Variants in SLC12A1 observed in about 807,000 individuals in gnomAD.
The protein encoded by SLC12A1 is solute carrier family 12 member 1.
SLC12A1 carries 89 observed loss-of-function variants against 130.4 expected under a neutral mutation model. That is an observed-to-expected ratio of 0.68 (90% confidence interval 0.58 to 0.81). The LOEUF (loss-of-function observed/expected upper bound fraction) is 0.81, where lower values mean the gene tolerates loss of function less well. Ranked by LOEUF, SLC12A1 falls within the 40% of genes least tolerant of loss-of-function variation. SLC12A1 has a pLI of 0.00. For synonymous variants in SLC12A1, 499 were observed against 460.0 expected, an observed-to-expected ratio of 1.08 and a Z score of -1.09; for missense variants, 1,310 against 1,336.4, an observed-to-expected ratio of 0.98 and a Z score of 0.31.
chr15:48,256,604 G>C (rs2041709812), intron 16 of SLC12A1, among the ~76,000 whole-genome samples: 1 of 152,194 alleles, frequency 6.6e-6, no homozygotes, highest in African/African-American at 2.4e-5. Flanking sequence ...TTACATGGCG[G>C]CAGGCAAGGG....
At chr15:48,241,465 GGT>G (rs1464768637) in intron 9 of SLC12A1, 48 bp from the exon 10 acceptor site, 1 of 1,357,122 alleles carries the variant, frequency 7.4e-7, no homozygotes, top group Non-Finnish European at 1.1e-6. Context: ...AGTGATCTAT[GGT>G]TCTTATTCTG....
intron 23 of SLC12A1, 55 bp from the exon 24 acceptor site, chr15:48,291,723 T>A: frequency 9.2e-7 from 1 of 1,091,394 alleles, no homozygotes. Flanking sequence ...AAAAACTCTT[T>A]GATTGAAAAT....
chr15:48,302,424 T>C (rs930409801), intron 26 of SLC12A1, among the ~76,000 whole-genome samples: 1 of 151,172 alleles, frequency 6.6e-6, no homozygotes, highest in African/African-American at 2.4e-5. Context: ...ATCGAGACCA[T>C]CCTGGCTAAC....
intron 20 of SLC12A1, among the ~76,000 whole-genome samples, chr15:48,276,533 T>C (rs564992744): frequency 2.6e-5 from 4 of 152,242 alleles, no homozygotes; most frequent in African/African-American, 7.2e-5. Flanking sequence ...TGTGAAGACA[T>C]GGTGAGAAGG....
intron 4 of SLC12A1, chr15:48,226,223 A>G (rs2141026515): frequency 2.4e-6 from 1 of 421,044 alleles, no homozygotes; most frequent in Non-Finnish European, 4.1e-6. Context: ...ACACCAGCAT[A>G]AGTCAACTTT....
chr15:48,227,289 A>G, intron 5 of SLC12A1: 1 of 803,302 alleles, frequency 1.2e-6, no homozygotes, highest in South Asian at 1.7e-5. Context: ...TGTCCTAAAC[A>G]AAATAACCCA....
Position 48,269,771 on chromosome 15 carries a change from G to A in SLC12A1, c.2402+7G>A. The A allele has an allele frequency of 1.2e-5, 18 of 1,500,706 alleles. No individual in the cohort carries two copies. Among genetic ancestry groups the A allele is most frequent in the Non-Finnish European group, 1.7e-5 (18 of 1,077,688 alleles). 93.0% of individuals were successfully genotyped at this position (1,500,706 alleles called of 1,614,324 possible). A position where few individuals can be genotyped will look rare whatever the true frequency, so the allele number is the denominator to read the frequency against. ...ACTACGTGGGAATCATACAGTAAGT[G>A]ATGGCTTTCAAGACGTGTTCTTGTT... On this transcript the variant is annotated splice_region_variant and intron_variant, in intron 19 of 26. Transcript: ENST00000380993.
At chr15:48,228,903 C>T (rs781729662) in intron 5 of SLC12A1, 21 of 257,414 alleles carry the variant, frequency 8.2e-5, no homozygotes, top group African/African-American at 3.8e-4. Context: ...ATAAAGACAA[C>T]GCATTTTTTG....
chr15:48,288,285 T>C, intron 22 of SLC12A1, 111 bp downstream of exon 22: 2 of 1,206,040 alleles, frequency 1.7e-6, no homozygotes. Context: ...CATTTCTGTG[T>C]TCTCCAAAGA....
At chr15:48,261,024 G>A (rs1277966868) in intron 17 of SLC12A1, among the ~76,000 whole-genome samples, 1 of 152,138 alleles carries the variant, frequency 6.6e-6, no homozygotes, top group Non-Finnish European at 1.5e-5. Flanking sequence ...ATGACCAACT[G>A]TGACTCCAGA....
At chr15:48,290,541 A>G (rs2042108532) in intron 23 of SLC12A1, among the ~76,000 whole-genome samples, 1 of 152,208 alleles carries the variant, frequency 6.6e-6, no homozygotes, top group Non-Finnish European at 1.5e-5. Flanking sequence ...CACCAGCATC[A>G]TCACAAATGT....
intron 2 of SLC12A1, among the ~76,000 whole-genome samples, chr15:48,212,232 G>A (rs1001823457): frequency 6.6e-6 from 1 of 152,006 alleles, no homozygotes; most frequent in African/African-American, 2.4e-5. Flanking sequence ...GTAATAAAAT[G>A]TTTCTCTTCT....
intron 25 of SLC12A1, among the ~76,000 whole-genome samples, chr15:48,301,076 T>G (rs1236516534): frequency 2.6e-5 from 4 of 152,218 alleles, no homozygotes. Flanking sequence ...CCCCTCTCCC[T>G]AGAATTTAAT....
intron 2 of SLC12A1, among the ~76,000 whole-genome samples, chr15:48,218,401 AAGG>A (rs1275495493): frequency 1.3e-5 from 2 of 152,204 alleles, no homozygotes; most frequent in African/African-American, 2.4e-5. Context: ...ATAAAAAGAC[AAGG>A]AGAAGAACAG....
intron 11 of SLC12A1, among the ~76,000 whole-genome samples, 174 bp from the exon 12 acceptor site, chr15:48,246,735 G>A (rs917328156): frequency 1.3e-5 from 2 of 152,126 alleles, no homozygotes; most frequent in South Asian, 2.1e-4. Context: ...AGCCAAGATC[G>A]TGCCACTGCA....
intron 15 of SLC12A1, among the ~76,000 whole-genome samples, chr15:48,254,890 C>G (rs982550675): frequency 6.6e-6 from 1 of 152,026 alleles, no homozygotes; most frequent in Non-Finnish European, 1.5e-5. Flanking sequence ...CGCCACTGCA[C>G]TCCAGCCTGG....
At chr15:48,213,534 C>A (rs1360991136) in intron 2 of SLC12A1, among the ~76,000 whole-genome samples, 3 of 139,328 alleles carry the variant, frequency 2.2e-5, no homozygotes, top group Non-Finnish European at 3.0e-5. Flanking sequence ...GACGGGATCT[C>A]GCTCTGTCAC....
intron 4 of SLC12A1, chr15:48,221,334 T>C: frequency 1.4e-6 from 1 of 701,922 alleles, no homozygotes; most frequent in Non-Finnish European, 2.6e-6. Flanking sequence ...TCTCATTTGT[T>C]ACAGAGTATC....
chr15:48,244,914 A>T lies in SLC12A1; in HGVS notation c.1452+10A>T, dbSNP rs1321253823. The T allele has an allele frequency of 6.2e-7, 1 of 1,613,258 alleles. No individual in the cohort carries two copies. The highest frequency in any genetic ancestry group is 8.5e-7 in the Non-Finnish European group (1 of 1,179,312). ...GATGAACAATTTCCAGGTTTGAAGC[A>T]AAATTCAAAAATGTTCACTGCTATT... is the stretch of plus-strand genomic sequence containing the variant. On this transcript the variant is annotated intron_variant, in intron 11 of 26. Transcript: ENST00000380993.
Sources: gnomAD v4.1 joint callset for allele counts (sites outside exome capture counted in the v4.1 genomes callset) on GRCh38, gnomAD v4.1.1 for gene constraint, MANE v1.5 for transcripts, NCBI Gene and HGNC (gene_info 2026-07-23, HGNC 2026-07-21) for gene names.